GRID1: variants seen among roughly 807,000 people sequenced by gnomAD.
The protein encoded by GRID1 is glutamate ionotropic receptor delta type subunit 1.
A neutral mutation model predicts 98.0 loss-of-function variants in GRID1; 28 were observed. That is an observed-to-expected ratio of 0.29 (90% CI 0.21 to 0.39). The LOEUF (loss-of-function observed/expected upper bound fraction) is 0.39. Ranked by LOEUF, GRID1 falls within the 10% of genes least tolerant of loss-of-function variation. The pLI is 1.00. For missense variants in GRID1, 1,111 were observed against 1,340.5 expected (o/e 0.83, Z 2.67); for synonymous variants, 553 against 538.5 (o/e 1.03, Z -0.37).
intron 5 of GRID1, among the ~76,000 whole-genome samples, chr10:85,885,297 G>T (rs1310819416): frequency 6.6e-6 from 1 of 152,184 alleles, no homozygotes; most frequent in Non-Finnish European, 1.5e-5. Context: ...TGTGCACTAA[G>T]GAAGGGGATA....
chr10:85,653,272 G>A (rs1289576622), intron 12 of GRID1, among the ~76,000 whole-genome samples: 1 of 152,244 alleles, frequency 6.6e-6, no homozygotes, highest in African/African-American at 2.4e-5. Flanking sequence ...ATAAAGCAGA[G>A]CAAGGGTGAG....
At chr10:86,169,808 T>C (rs1223890721) in intron 3 of GRID1, among the ~76,000 whole-genome samples, 2 of 152,170 alleles carry the variant, frequency 1.3e-5, no homozygotes, top group Non-Finnish European at 2.9e-5. Flanking sequence ...TCCCCAAAGA[T>C]GTCCCATCCT....
chr10:85,677,501 A>G (rs1471507559), intron 12 of GRID1, among the ~76,000 whole-genome samples: 2 of 152,264 alleles, frequency 1.3e-5, no homozygotes, highest in Non-Finnish European at 2.9e-5. Context: ...ATACATTCAT[A>G]TAGTTGTCTC....
At chr10:85,805,156 C>T (rs1015607505) in intron 8 of GRID1, among the ~76,000 whole-genome samples, 2 of 151,320 alleles carry the variant, frequency 1.3e-5, no homozygotes, top group African/African-American at 4.8e-5. Flanking sequence ...AATTCTAGAT[C>T]TAATACATAT....
intron 2 of GRID1, among the ~76,000 whole-genome samples, chr10:86,207,783 C>A (rs967494533): frequency 6.6e-6 from 1 of 152,050 alleles, no homozygotes; most frequent in Admixed American, 6.5e-5. Context: ...AGGCACGCGC[C>A]ACCATGCCCG....
intron 15 of GRID1, chr10:85,607,131 A>T (rs1441992501): frequency 6.6e-6 from 1 of 152,236 alleles, no homozygotes; most frequent in Non-Finnish European, 1.5e-5. Context: ...AACCTCTCCC[A>T]GGCATTGTCT....
chr10:85,993,405 G>A (rs1325067626), intron 4 of GRID1, among the ~76,000 whole-genome samples: 2 of 152,230 alleles, frequency 1.3e-5, no homozygotes, highest in East Asian at 1.9e-4. Flanking sequence ...CAGTGCAAGG[G>A]TCACTTGTAT....
chr10:86,198,198 A>G (rs2132013324), intron 3 of GRID1, among the ~76,000 whole-genome samples: 1 of 152,218 alleles, frequency 6.6e-6, no homozygotes, highest in East Asian at 1.9e-4. Context: ...AAAACCAGTT[A>G]AGCTGTCCAG....
At chr10:86,108,714 C>G (rs1157643839) in intron 4 of GRID1, among the ~76,000 whole-genome samples, 2 of 152,140 alleles carry the variant, frequency 1.3e-5, no homozygotes, top group Admixed American at 1.3e-4. Flanking sequence ...TTCTGATTTC[C>G]CACTTCCTTT....
intron 4 of GRID1, among the ~76,000 whole-genome samples, chr10:86,021,151 A>T (rs1449309136): frequency 2.0e-5 from 3 of 152,168 alleles, no homozygotes; most frequent in African/African-American, 7.2e-5. Context: ...ATCCACTTGC[A>T]ATTGCAGGTG....
At chr10:85,666,010 G>A (rs559067851) in intron 12 of GRID1, among the ~76,000 whole-genome samples, 2 of 152,274 alleles carry the variant, frequency 1.3e-5, no homozygotes, top group East Asian at 1.9e-4. Context: ...TCTGGCAAAT[G>A]TCTCCTAAAC....
At chr10:86,107,369 G>A (rs1031621716) in intron 4 of GRID1, among the ~76,000 whole-genome samples, 5 of 152,192 alleles carry the variant, frequency 3.3e-5, no homozygotes, top group Non-Finnish European at 5.9e-5. Flanking sequence ...TCTGAAGGGC[G>A]TCCCTTGGCA....
In GRID1 at chr10:86,103,811, C is replaced by CGA. The variant is rs112383273; in HGVS notation, c.726+35006_726+35007dup. 5.5e-3 allele frequency among the ~76,000 whole-genome samples: 840 copies of CGA among 151,958 alleles called. 10 individuals are homozygous for CGA. The highest frequency in any genetic ancestry group is 0.019 in the African/African-American group (794 of 41,474). ...CACCTCCCCTGGCCCAACCATGTCA[C>CGA]GAGAGAGAGAGAGAATCATTACTAA... On this transcript the variant is annotated intron_variant, in intron 4 of 15. Transcript: ENST00000327946.
chr10:86,225,526 G>A (rs888316184), intron 2 of GRID1, among the ~76,000 whole-genome samples: 2 of 152,326 alleles, frequency 1.3e-5, no homozygotes, highest in East Asian at 3.9e-4. Context: ...CCAGTGGCTG[G>A]ATGTCGGCCT....
intron 3 of GRID1, among the ~76,000 whole-genome samples, chr10:86,180,303 C>A (rs1259276183): frequency 1.3e-5 from 2 of 152,076 alleles, no homozygotes; most frequent in African/African-American, 4.8e-5. Context: ...CTCATTTTAC[C>A]GACAAATGGC....
intron 3 of GRID1, among the ~76,000 whole-genome samples, chr10:86,147,684 T>C (rs920407730): frequency 2.0e-5 from 3 of 152,220 alleles, no homozygotes; most frequent in African/African-American, 7.2e-5. Context: ...TTTTACCTTT[T>C]GATGCTTTGA....
At chr10:86,353,260 C>T (rs958647399) in intron 2 of GRID1, among the ~76,000 whole-genome samples, 13 of 152,216 alleles carry the variant, frequency 8.5e-5, no homozygotes, top group Non-Finnish European at 1.6e-4. Flanking sequence ...TGGGATGCAC[C>T]CTGAGGATGC....
chr10:85,670,957 C>T lies in GRID1; in HGVS notation c.1998-23560G>A, dbSNP rs531324211. Among the ~76,000 whole-genome samples the T allele has an allele frequency of 8.5e-5, 13 of 152,308 alleles. No individual in the cohort carries two copies. In the South Asian group the frequency reaches 2.3e-3, roughly 27 times the overall value. Reference sequence around the variant, plus strand: ...CTCCAGGATGCCAAAACAGAAATCTCCTGCTCTGAGAATGCCATCAGGCAA... The same window carrying T: ...CTCCAGGATGCCAAAACAGAAATCTTCTGCTCTGAGAATGCCATCAGGCAA... On this transcript the variant is annotated intron_variant, in intron 12 of 15. Coordinates refer to ENST00000327946, the MANE Select transcript of GRID1 (RefSeq NM_017551.3).
intron 4 of GRID1, among the ~76,000 whole-genome samples, chr10:85,968,341 C>T (rs1219822670): frequency 6.6e-6 from 1 of 151,124 alleles, no homozygotes; most frequent in African/African-American, 2.4e-5. Flanking sequence ...GTCCCAGCTA[C>T]TCGGGAGGCT....
Sources: gnomAD v4.1 joint callset for allele counts (sites outside exome capture counted in the v4.1 genomes callset) on GRCh38, gnomAD v4.1.1 for gene constraint, MANE v1.5 for transcripts, NCBI Gene and HGNC (gene_info 2026-07-23, HGNC 2026-07-21) for gene names.